The following NRXN3 variants were observed in gnomAD, a reference collection of about 807,000 sequenced individuals.
The protein encoded by NRXN3 is neurexin III.
A neutral mutation model predicts 137.6 loss-of-function variants in NRXN3; 32 were observed. That is an observed-to-expected ratio of 0.23 (90% CI 0.18 to 0.31). The LOEUF (loss-of-function observed/expected upper bound fraction) is 0.31. Ranked by LOEUF, NRXN3 falls within the 10% of genes least tolerant of loss-of-function variation. The pLI is 1.00. For synonymous variants in NRXN3, 798 were observed against 784.5 expected, an observed-to-expected ratio of 1.02 and a Z score of -0.29; for missense variants, 1,574 against 2,062.5, an observed-to-expected ratio of 0.76 and a Z score of 4.59.
intron 4 of NRXN3, among the ~76,000 whole-genome samples, chr14:78,314,909 TTC>T (rs2078427550): frequency 9.0e-6 from 1 of 110,992 alleles, no homozygotes; most frequent in Non-Finnish European, 1.7e-5. Flanking sequence ...CTTTCTTTCT[TTC>T]TTTCTTTCTT....
chr14:78,497,712 A>G (rs1463342053), intron 4 of NRXN3, among the ~76,000 whole-genome samples: 1 of 152,146 alleles, frequency 6.6e-6, no homozygotes, highest in Non-Finnish European at 1.5e-5. Flanking sequence ...ACTGGGAGGC[A>G]ATATATTTCA....
chr14:79,852,280 C>CACACAT (rs1603619753), intron 20 of NRXN3, among the ~76,000 whole-genome samples: 1 of 146,534 alleles, frequency 6.8e-6, no homozygotes, highest in Non-Finnish European at 1.5e-5. Flanking sequence ...CACACACACA[C>CACACAT]CTCTCACATG....
At chr14:78,333,960 T>G (rs1159307516) in intron 4 of NRXN3, among the ~76,000 whole-genome samples, 2 of 152,254 alleles carry the variant, frequency 1.3e-5, no homozygotes, top group East Asian at 3.9e-4. Flanking sequence ...AGAGTGGTTC[T>G]ATTCCAGTTT....
intron 4 of NRXN3, among the ~76,000 whole-genome samples, chr14:78,308,225 T>C (rs2077573139): frequency 6.6e-6 from 1 of 152,044 alleles, no homozygotes; most frequent in South Asian, 2.1e-4. Flanking sequence ...AGATCTGAAA[T>C]TTGGAGCCTA....
At chr14:79,599,447 TTC>T (rs1358786886) in intron 16 of NRXN3, among the ~76,000 whole-genome samples, 4 of 152,172 alleles carry the variant, frequency 2.6e-5, no homozygotes, top group African/African-American at 9.7e-5. Context: ...GTCCTAAACC[TTC>T]TCTGTTCTTC....
chr14:78,539,038 G>T (rs1248118976), intron 4 of NRXN3, among the ~76,000 whole-genome samples: 1 of 152,148 alleles, frequency 6.6e-6, no homozygotes, highest in South Asian at 2.1e-4. Flanking sequence ...GAGGATTTTT[G>T]CATTGATGTT....
At chr14:79,114,826 C>A (rs983040884) in intron 15 of NRXN3, among the ~76,000 whole-genome samples, 1 of 152,098 alleles carries the variant, frequency 6.6e-6, no homozygotes, top group Non-Finnish European at 1.5e-5. Flanking sequence ...TGGCACCCAG[C>A]AAAGAATGGC....
Position 78,651,281 on chromosome 14 carries a change from G to A in NRXN3, c.1176G>A (p.Leu392=), listed in dbSNP as rs368991321. The A allele has an allele frequency of 1.2e-5, 19 of 1,613,946 alleles. No individual in the cohort carries two copies. Among genetic ancestry groups the A allele is most frequent in the African/African-American group, 4.0e-5 (3 of 74,890 alleles). Residue 392 remains leucine, a synonymous_variant, in exon 6 of 21, where the codon TTG becomes TTA. Coordinates refer to ENST00000335750, the MANE Select transcript of NRXN3 (RefSeq NM_001330195.2). ...GAGGAAGCCCAAGTACCGCTGACTT[G>A]CCTGGCTCCCCTGTCAGCAACAACT... ...YVGGSPSTAD[L]PGSPVSNNFM...
chr14:78,697,067 C>T (rs183716016), intron 6 of NRXN3, among the ~76,000 whole-genome samples: 21 of 152,168 alleles, frequency 1.4e-4, no homozygotes, highest in African/African-American at 3.6e-4. Context: ...GACAACCATT[C>T]GTGATAGATC....
intron 15 of NRXN3, among the ~76,000 whole-genome samples, chr14:79,337,261 T>A (rs1353876513): frequency 6.6e-6 from 1 of 152,194 alleles, no homozygotes; most frequent in Non-Finnish European, 1.5e-5. Flanking sequence ...ATGTGTTGAA[T>A]GAAAGGAGTT....
intron 16 of NRXN3, among the ~76,000 whole-genome samples, chr14:79,472,274 T>A (rs1263316583): frequency 6.6e-6 from 1 of 152,214 alleles, no homozygotes; most frequent in Non-Finnish European, 1.5e-5. Flanking sequence ...TTTCTCTTGC[T>A]ACTTTCTTTT....
intron 15 of NRXN3, among the ~76,000 whole-genome samples, chr14:79,328,217 AG>A (rs2091185757): frequency 6.6e-6 from 1 of 152,246 alleles, no homozygotes; most frequent in African/African-American, 2.4e-5. Context: ...GATATCACAA[AG>A]GTAAGCATGT....
chr14:79,239,980 A>C (rs2074016405), intron 15 of NRXN3, among the ~76,000 whole-genome samples: 1 of 152,152 alleles, frequency 6.6e-6, no homozygotes, highest in Non-Finnish European at 1.5e-5. Context: ...GAGGCAGAGA[A>C]TAGAATAGTG....
chr14:78,677,427 G>GA (rs201631742), intron 6 of NRXN3, among the ~76,000 whole-genome samples: 2,896 of 144,142 alleles, frequency 0.02, 113 homozygotes, highest in East Asian at 0.19. Flanking sequence ...GTGAAAATAG[G>GA]AAAAAAAAAA....
intron 10 of NRXN3, among the ~76,000 whole-genome samples, chr14:78,927,169 T>G (rs1323195646): frequency 7.0e-6 from 1 of 143,152 alleles, no homozygotes; most frequent in Non-Finnish European, 1.5e-5. Context: ...AAAAAAAGTT[T>G]TTTTCAGAAT....
At chr14:79,307,003 G>A (rs1339165825) in intron 15 of NRXN3, among the ~76,000 whole-genome samples, 3 of 152,072 alleles carry the variant, frequency 2.0e-5, no homozygotes, top group Admixed American at 6.6e-5. Context: ...AAGGGATAGT[G>A]GGGGCCACTC....
At chr14:79,613,901 G>T (rs2098129382) in intron 16 of NRXN3, among the ~76,000 whole-genome samples, 1 of 152,244 alleles carries the variant, frequency 6.6e-6, no homozygotes, top group African/African-American at 2.4e-5. Context: ...ACACCGCAGT[G>T]CGGTTAATCC....
intron 15 of NRXN3, among the ~76,000 whole-genome samples, chr14:79,066,740 G>A (rs1444810712): frequency 1.3e-5 from 2 of 152,032 alleles, no homozygotes. Flanking sequence ...GTGAATGGGA[G>A]TTCATTCATG....
intron 16 of NRXN3, among the ~76,000 whole-genome samples, chr14:79,509,521 AAT>A (rs889438191): frequency 7.3e-6 from 1 of 136,280 alleles, no homozygotes; most frequent in Non-Finnish European, 1.6e-5. Context: ...GTCTCAAAAA[AAT>A]ATATATATAT....
Sources: allele counts gnomAD v4.1 joint callset (sites outside exome capture counted in the v4.1 genomes callset), GRCh38; gene constraint gnomAD v4.1.1; transcripts MANE v1.5; gene names NCBI Gene and HGNC (gene_info 2026-07-23, HGNC 2026-07-21).